The following C8orf74 variants were observed in gnomAD, a reference collection of about 807,000 sequenced individuals.
C8orf74 encodes the protein uncharacterized protein C8orf74.
Under a neutral mutation model 22.2 loss-of-function variants are expected in C8orf74, and 29 were observed. That is an observed-to-expected ratio of 1.31 (90% confidence interval 0.97 to 1.78). The LOEUF is 1.78. Among genes scored for constraint, C8orf74 ranks in the 40% most tolerant of loss-of-function variants. The pLI is 0.00. For synonymous variants in C8orf74, 255 were observed against 163.1 expected, an observed-to-expected ratio of 1.56 and a Z score of -4.30; for missense variants, 515 against 369.9, an observed-to-expected ratio of 1.39 and a Z score of -3.22.
At chr8:10,681,215 T>C (rs781321906) in intron 2 of C8orf74, among the ~76,000 whole-genome samples, 1 of 152,044 alleles carries the variant, frequency 6.6e-6, no homozygotes, top group Non-Finnish European at 1.5e-5. Context: ...GGCTCTGGCC[T>C]GGCAAACGCC....
intron 2 of C8orf74, among the ~76,000 whole-genome samples, chr8:10,681,031 G>A (rs1799137542): frequency 6.6e-6 from 1 of 151,460 alleles, no homozygotes; most frequent in African/African-American, 2.4e-5. Flanking sequence ...AAGGATGGTT[G>A]CATTGTGTTT....
At chr8:10,690,715 G>T (rs1207857948) in intron 2 of C8orf74, among the ~76,000 whole-genome samples, 2 of 152,110 alleles carry the variant, frequency 1.3e-5, no homozygotes, top group Non-Finnish European at 2.9e-5. Flanking sequence ...CAGACTCCGG[G>T]TATGAGGGCC....
intron 3 of C8orf74, among the ~76,000 whole-genome samples, chr8:10,698,471 G>C (rs1039971910): frequency 6.6e-6 from 1 of 152,142 alleles, no homozygotes; most frequent in Non-Finnish European, 1.5e-5. Context: ...CATGTGACCA[G>C]GGAGACAAAG....
chr8:10,700,522 A>C lies in C8orf74; in HGVS notation c.*51A>C. 1.4e-5 allele frequency: 17 copies of C among 1,217,908 alleles called. No individual in the cohort carries two copies. Among genetic ancestry groups the C allele is most frequent in the Non-Finnish European group, 1.9e-5 (17 of 878,564 alleles). 75.4% of individuals were successfully genotyped at this position (1,217,908 alleles called of 1,614,324 possible). A position where few individuals can be genotyped will look rare whatever the true frequency, so the allele number is the denominator to read the frequency against. On this transcript the variant is annotated 3_prime_UTR_variant, in exon 4 of 4. Transcript: ENST00000304519. ...GACTGGGGACCAGCCACCCATAACC[A>C]TGAGCCTTGCGGCACGGTGAGCTCA...
intron 2 of C8orf74, among the ~76,000 whole-genome samples, chr8:10,696,649 T>C (rs557408459): frequency 1.3e-5 from 2 of 152,030 alleles, no homozygotes; most frequent in East Asian, 1.9e-4. Flanking sequence ...GGTTTTGCCA[T>C]GTTGGCCAAG....
rs374380682 is a variant in C8orf74, at chr8:10,697,719, A to C, written c.362A>C (p.His121Pro). Residue 121 changes from histidine (H) to proline (P), a missense_variant, in exon 3 of 4, where the codon CAC becomes CCC. His to Pro is a moderately conservative substitution (Grantham distance 77). Transcript: ENST00000304519. ...TACTTCCACCACACCTTCATCCGCC[A>C]CTACAAACTCTACCAGTATGTCCTG... ...CDYFHHTFIR[H>P]YKLYQYVLGQ... 35 of 1,613,846 alleles carry C rather than the reference A, an allele frequency of 2.2e-5. No homozygotes were observed. The highest frequency in any genetic ancestry group is 1.6e-4 in the East Asian group (7 of 44,866).
intron 2 of C8orf74, among the ~76,000 whole-genome samples, chr8:10,687,749 G>C (rs1047906320): frequency 6.6e-6 from 1 of 151,896 alleles, no homozygotes; most frequent in Non-Finnish European, 1.5e-5. Flanking sequence ...CACAAATTAG[G>C]AATAACTTAT....
chr8:10,689,797 C>G (rs1050034154), intron 2 of C8orf74: 2 of 152,118 alleles, frequency 1.3e-5, no homozygotes, highest in African/African-American at 4.8e-5. Flanking sequence ...AGTACATTTA[C>G]CCTTCATTAA....
At chr8:10,686,411 G>A (rs1204184773) in intron 2 of C8orf74, among the ~76,000 whole-genome samples, 3 of 152,206 alleles carry the variant, frequency 2.0e-5, no homozygotes, top group East Asian at 3.8e-4. Flanking sequence ...CTTTAAAACT[G>A]TAAAATAACA....
rs553063925 is a variant in C8orf74 at position 10,694,654 on chromosome 8, T to C, written c.242-2945T>C. Among the ~76,000 whole-genome samples the C allele has an allele frequency of 9.9e-5, 15 of 152,266 alleles. No homozygotes were observed. In the South Asian group the frequency reaches 3.1e-3, roughly 32 times the overall value. On this transcript the variant is annotated intron_variant, in intron 2 of 3. Transcript: ENST00000304519. ...AACCTTTTATTTGTAGCTACCTGCTTAGGAATCAAAGAAAAGACAGTTTCT... is the reference window on the plus strand; with the variant it reads ...AACCTTTTATTTGTAGCTACCTGCTCAGGAATCAAAGAAAAGACAGTTTCT...
chr8:10,696,958 G>GGA (rs539948327), intron 2 of C8orf74, among the ~76,000 whole-genome samples: 2 of 104,348 alleles, frequency 1.9e-5, no homozygotes, highest in African/African-American at 6.5e-5. Context: ...CCAGGAGTTC[G>GGA]AAAAAAAAAA....
intron 2 of C8orf74, among the ~76,000 whole-genome samples, chr8:10,684,200 A>G (rs1273337306): frequency 6.6e-6 from 1 of 152,224 alleles, no homozygotes. Flanking sequence ...ATTCAACTGA[A>G]GTTCAGAGAG....
intron 3 of C8orf74, among the ~76,000 whole-genome samples, chr8:10,699,999 C>T (rs1448650448): frequency 6.6e-6 from 1 of 152,224 alleles, no homozygotes; most frequent in Non-Finnish European, 1.5e-5. Flanking sequence ...TAGTCCGTGG[C>T]CATGGCCAGG....
chr8:10,685,793 G>T (rs1290429937), intron 2 of C8orf74, among the ~76,000 whole-genome samples: 1 of 152,188 alleles, frequency 6.6e-6, no homozygotes, highest in East Asian at 1.9e-4. Flanking sequence ...TAATCGGCCG[G>T]GTAAAGTGGC....
chr8:10,697,947 T>G lies in C8orf74; in HGVS notation c.590T>G (p.Leu197Arg), dbSNP rs1472708113. Residue 197 changes from leucine (L) to arginine (R), a missense_variant, in exon 3 of 4, where the codon CTG becomes CGG. Transcript: ENST00000304519. The part of the protein sequence containing the change: ...EALRLERENS[L>R]QKAFAAAAPA... ...CTGCGCCTGGAGCGGGAGAACTCGC[T>G]GCAGAAGGCGTTCGCTGCCGCCGCG... 1.9e-6 allele frequency: 3 copies of G among 1,569,162 alleles called. No individual in the cohort carries two copies. The highest frequency in any genetic ancestry group is 2.6e-6 in the Non-Finnish European group (3 of 1,158,920).
At chr8:10,683,063 C>G (rs539429939) in intron 2 of C8orf74, among the ~76,000 whole-genome samples, 20 of 152,364 alleles carry the variant, frequency 1.3e-4, no homozygotes, top group African/African-American at 4.3e-4. Flanking sequence ...GGGGACCTAT[C>G]CACTCATCCA....
chr8:10,695,058 TGAAG>T (rs775949234), intron 2 of C8orf74, among the ~76,000 whole-genome samples: 4 of 148,496 alleles, frequency 2.7e-5, no homozygotes, highest in Non-Finnish European at 6.0e-5. Context: ...TGGACAGAGA[TGAAG>T]GAAGGAAGGA....
intron 2 of C8orf74, among the ~76,000 whole-genome samples, chr8:10,683,630 A>C (rs1326234951): frequency 6.6e-6 from 1 of 152,170 alleles, no homozygotes; most frequent in Non-Finnish European, 1.5e-5. Flanking sequence ...GGCTTGGCCA[A>C]GATGCACTGG....
chr8:10,698,021 C>A lies in C8orf74; in HGVS notation c.648+16C>A, dbSNP rs199553361. 174 of 1,452,464 alleles carry A rather than the reference C, an allele frequency of 1.2e-4. No individual in the cohort carries two copies. Among genetic ancestry groups the A allele is most frequent in the Non-Finnish European group, 1.5e-4 (162 of 1,106,394 alleles). 90.0% of individuals were successfully genotyped at this position (1,452,464 alleles called of 1,614,324 possible). On this transcript the variant is annotated intron_variant, in intron 3 of 3. Coordinates refer to ENST00000304519, the MANE Select transcript of C8orf74 (RefSeq NM_001040032.2). The stretch of plus-strand genomic sequence containing the variant: ...GGAGAGACAGGTGAGGCTCTGCCCC[C>A]CTGCCGTGGGTGGGCACCTGGGCCT...
Sources: allele counts gnomAD v4.1 joint callset (sites outside exome capture counted in the v4.1 genomes callset), GRCh38; gene constraint gnomAD v4.1.1; transcripts MANE v1.5; gene names NCBI Gene and HGNC (gene_info 2026-07-23, HGNC 2026-07-21).